Variants in KDELR1 observed in about 807,000 individuals in gnomAD.
KDELR1 encodes ER lumen protein-retaining receptor 1.
KDELR1 carries 16 observed loss-of-function variants against 25.5 expected under a neutral mutation model. The observed-to-expected ratio is 0.63, with a 90% CI of 0.43 to 0.95. The LOEUF (loss-of-function observed/expected upper bound fraction) is 0.95, where lower values mean the gene tolerates loss of function less well. Ranked by LOEUF, KDELR1 falls within the 40% of genes least tolerant of loss-of-function variation. The pLI is 0.00. For missense variants in KDELR1, 159 were observed against 265.2 expected (o/e 0.60, Z 2.78); for synonymous variants, 121 against 115.0 (o/e 1.05, Z -0.33).
chr19:48,395,317 C>A (rs778951522), upstream of KDELR1, among the ~76,000 whole-genome samples: 2 of 151,658 alleles, frequency 1.3e-5, no homozygotes, highest in African/African-American at 4.9e-5. Context: ...TCTCTCCTCT[C>A]GCTCTCCCCT....
rs1970466732 is a variant in KDELR1, at chr19:48,382,803, C to T, written c.*490G>A. 1 of 153,736 alleles carries T rather than the reference C, an allele frequency of 6.5e-6. No homozygotes were observed. The allele number at this position is 153,736 out of a possible 1,614,324, so 9.5% of individuals were successfully genotyped here. A position where few individuals can be genotyped will look rare whatever the true frequency, so the allele number is the denominator to read the frequency against. On this transcript the variant is annotated 3_prime_UTR_variant, in exon 5 of 5. Coordinates refer to ENST00000330720, the MANE Select transcript of KDELR1 (RefSeq NM_006801.3). ...GAGACCTTCCTGGGCCTCCCTTTCT[C>T]CCTATCCCCAATCTAGAAATTTAGT...
Position 48,384,039 on chromosome 19 carries a change from C to T in KDELR1, c.604+191G>A, listed in dbSNP as rs546719408. 6.6e-6 allele frequency among the ~76,000 whole-genome samples: 1 copy of T among 152,184 alleles called. No homozygotes were observed. The highest frequency in any genetic ancestry group is 2.4e-5 in the African/African-American group (1 of 41,442). On this transcript the variant is annotated intron_variant, in intron 4 of 4. Coordinates refer to ENST00000330720, the MANE Select transcript of KDELR1 (RefSeq NM_006801.3). The surrounding 1 kb of genome is among the most constrained non-coding windows in gnomAD (Gnocchi z 4.6). ...ACATGGGGGCTAAGGACAGAAACTC[C>T]TTAGCCCTTAGGGAGGCAGAGGCTA...
rs1033278375 is a variant in KDELR1, at chr19:48,384,678, C to A, written c.352-196G>T. Among the ~76,000 whole-genome samples the A allele has an allele frequency of 1.3e-5, 2 of 152,064 alleles. No homozygotes were observed. Among genetic ancestry groups the A allele is most frequent in the Non-Finnish European group, 2.9e-5 (2 of 68,010 alleles). ...CATCACCATGGCCCGGCGAGGAGAT[C>A]CTATGATTAGCACACTTATTCTACA... On this transcript the variant is annotated intron_variant, in intron 3 of 4. Transcript: ENST00000330720. This position sits in a 1 kb window ranked among gnomAD's most constrained non-coding sequence, Gnocchi z 4.6.
chr19:48,393,985 C>T (rs908047791), upstream of KDELR1, among the ~76,000 whole-genome samples: 1 of 152,090 alleles, frequency 6.6e-6, no homozygotes, highest in East Asian at 1.9e-4. The surrounding 1 kb of genome is among the most constrained non-coding windows in gnomAD (Gnocchi z 5.6). Context: ...CCCTGAGCTG[C>T]CTGCCTGGGT....
In KDELR1 at chr19:48,384,844, C is replaced by G. The variant is rs565049081; in HGVS notation, c.352-362G>C. ...CAATTGCGCCTCTCTGAAAGGCAGG[C>G]TGGGTTGGAATCTTGCCTTGGAAAT... On this transcript the variant is annotated intron_variant, in intron 3 of 4. Transcript: ENST00000330720. This position sits in a 1 kb window ranked among gnomAD's most constrained non-coding sequence, Gnocchi z 4.6. Among the ~76,000 whole-genome samples, 22 of 151,940 alleles carry G rather than the reference C, an allele frequency of 1.4e-4. No individual in the cohort carries two copies. Among genetic ancestry groups the G allele is most frequent in the African/African-American group, 5.1e-4 (21 of 41,440 alleles).
At chr19:48,391,225 G>A (rs777173009) in intron 1 of KDELR1, 43 bp downstream of exon 1, 2 of 1,517,262 alleles carry the variant, frequency 1.3e-6, no homozygotes, top group Admixed American at 2.0e-5. Context: ...CCCAACCCCC[G>A]CCCGCAATCT....
At chr19:48,396,233 G>A (rs576319671), upstream of KDELR1, among the ~76,000 whole-genome samples, 23 of 152,180 alleles carry the variant, frequency 1.5e-4, no homozygotes, top group African/African-American at 5.1e-4. Flanking sequence ...GAGGGCGTGG[G>A]TTCTGGGGGT....
At chr19:48,388,047 T>C (rs562475175) in intron 3 of KDELR1, among the ~76,000 whole-genome samples, 22 of 152,334 alleles carry the variant, frequency 1.4e-4, no homozygotes, top group African/African-American at 2.6e-4. Context: ...TCATTGAACA[T>C]TGATTGACAC....
upstream of KDELR1, chr19:48,391,678 A>C: frequency 2.5e-6 from 1 of 397,998 alleles, no homozygotes; most frequent in Admixed American, 4.0e-5. Flanking sequence ...ACGCACCCCC[A>C]AAGCTGCCCC....
chr19:48,391,867 A>G (rs561052295), upstream of KDELR1, among the ~76,000 whole-genome samples: 4 of 152,244 alleles, frequency 2.6e-5, no homozygotes, highest in South Asian at 8.3e-4. Context: ...CTCAGCTGCT[A>G]GCTTTTGCAG....
chr19:48,395,768 G>C (rs276714), upstream of KDELR1, among the ~76,000 whole-genome samples: 47,651 of 151,916 alleles, frequency 0.31, 8,049 homozygotes, highest in East Asian at 0.58. Flanking sequence ...GGGAAGGATA[G>C]GGTTTGAAAC....
In KDELR1 at chr19:48,383,181, C is replaced by A; in HGVS notation, c.*112G>T. ...ACCCGGCAGGAGGCGGGATGGGGAGCACAAGAGGTGGGTTCTTAAAAAAGT... is the reference window on the plus strand; with the variant it reads ...ACCCGGCAGGAGGCGGGATGGGGAGAACAAGAGGTGGGTTCTTAAAAAAGT... On this transcript the variant is annotated 3_prime_UTR_variant, in exon 5 of 5. Transcript: ENST00000330720. 2.7e-6 allele frequency: 3 copies of A among 1,126,542 alleles called. No homozygotes were observed. The highest frequency in any genetic ancestry group is 3.9e-6 in the Non-Finnish European group (3 of 765,470). The allele number at this position is 1,126,542 out of a possible 1,614,324, so 69.8% of individuals were successfully genotyped here. A position where few individuals can be genotyped will look rare whatever the true frequency, so the allele number is the denominator to read the frequency against.
At chr19:48,386,611 C>A (rs1970499824) in intron 3 of KDELR1, among the ~76,000 whole-genome samples, 1 of 151,150 alleles carries the variant, frequency 6.6e-6, no homozygotes, top group Non-Finnish European at 1.5e-5. Context: ...CCATGCCCGG[C>A]TAATTTTTGT....
rs538927042 is a variant in KDELR1 at position 48,383,423 on chromosome 19, G to C, written c.605-96C>G. On this transcript the variant is annotated intron_variant, in intron 4 of 4. Transcript: ENST00000330720. ...CAGAGCAGGGCAGGCACGCTAGATGGGCAGATCCACAGGGAGGGAGGTCCC... is the reference window on the plus strand; with the variant it reads ...CAGAGCAGGGCAGGCACGCTAGATGCGCAGATCCACAGGGAGGGAGGTCCC... The C allele has an allele frequency of 8.2e-6, 9 of 1,097,444 alleles. No individual in the cohort carries two copies. In the East Asian group the frequency reaches 1.8e-4, roughly 22 times the overall value. The allele number at this position is 1,097,444 out of a possible 1,614,324, so 68.0% of individuals were successfully genotyped here. A position where few individuals can be genotyped will look rare whatever the true frequency, so the allele number is the denominator to read the frequency against.
rs1439252494 is a variant in KDELR1 at position 48,390,508 on chromosome 19, G to A, written c.108C>T (p.Ser36=). 6.2e-7 allele frequency: 1 copy of A among 1,613,356 alleles called. No individual in the cohort carries two copies. The highest frequency in any genetic ancestry group is 1.1e-5 in the South Asian group (1 of 91,060). The part of the protein sequence containing the change: ...SRSCAGISGK[S]QVLFAVVFTA... ...TGAACACCACAGCAAACAGGACCTG[G>A]CTCTTCCCTGAAATTCCTGTGGTCC... The change falls in exon 2 of 5, where the codon AGC becomes AGT. Residue 36 remains serine, a synonymous_variant. Coordinates refer to ENST00000330720, the MANE Select transcript of KDELR1 (RefSeq NM_006801.3).
upstream of KDELR1, among the ~76,000 whole-genome samples, chr19:48,393,743 GCCGCCGCCGCCA>G: frequency 6.6e-6 from 1 of 152,124 alleles, no homozygotes; most frequent in African/African-American, 2.4e-5. The surrounding 1 kb of genome is among the most constrained non-coding windows in gnomAD (Gnocchi z 5.6). Flanking sequence ...CCAAGCCGCG[GCCGCCGCCGCCA>G]CCCTCGCCCG....
At chr19:48,390,969 C>T in intron 1 of KDELR1, 1 of 499,796 alleles carries the variant, frequency 2.0e-6, no homozygotes, top group Non-Finnish European at 3.6e-6. Flanking sequence ...CTCACAGCCA[C>T]CTCCCCGCCT....
intron 1 of KDELR1, 69 bp downstream of exon 1, chr19:48,391,199 G>T: frequency 1.5e-6 from 2 of 1,371,798 alleles, no homozygotes; most frequent in South Asian, 1.2e-5. Flanking sequence ...AACCCTTCCT[G>T]AGTCCTGCGA....
chr19:48,389,521 C>G (rs1250626241), intron 3 of KDELR1, 32 bp downstream of exon 3: 2 of 1,612,790 alleles, frequency 1.2e-6, no homozygotes, highest in African/African-American at 2.7e-5. Context: ...ACAACCATCC[C>G]CCCAAATAAG....
Sources: gnomAD v4.1 joint callset for allele counts (sites outside exome capture counted in the v4.1 genomes callset) on GRCh38, gnomAD v4.1.1 for gene constraint, Gnocchi (gnomAD v3.1) non-coding constraint, MANE v1.5 for transcripts, NCBI Gene and HGNC (gene_info 2026-07-23, HGNC 2026-07-21) for gene names.